The following JAK1 variants were observed in gnomAD, a reference collection of about 807,000 sequenced individuals.
JAK1 encodes tyrosine-protein kinase JAK1.
Under a neutral mutation model 136.6 loss-of-function variants are expected in JAK1, and 16 were observed. That is an observed-to-expected ratio of 0.12 (90% CI 0.08 to 0.18). The LOEUF (loss-of-function observed/expected upper bound fraction) is 0.18. Ranked by LOEUF, JAK1 falls within the 10% of genes least tolerant of loss-of-function variation. The pLI, the probability that JAK1 is intolerant of heterozygous loss-of-function variation, is 1.00. For synonymous variants in JAK1, 492 were observed against 519.5 expected (o/e 0.95, Z 0.72); for missense variants, 859 against 1,450.1 (o/e 0.59, Z 6.62).
At chr1:64,962,535 C>T (rs1646300112) in intron 1 of JAK1, among the ~76,000 whole-genome samples, 1 of 152,132 alleles carries the variant, frequency 6.6e-6, no homozygotes, top group Non-Finnish European at 1.5e-5. Flanking sequence ...TTTCCTGTCG[C>T]CTTAAACTGC....
chr1:65,024,964 C>T (rs1255597177), intron 2 of JAK1, among the ~76,000 whole-genome samples: 3 of 151,916 alleles, frequency 2.0e-5, no homozygotes, highest in Admixed American at 6.6e-5. Context: ...ACAACAAGAG[C>T]GAAACTCTGT....
intron 2 of JAK1, among the ~76,000 whole-genome samples, chr1:64,983,708 T>C (rs561908900): frequency 1.3e-5 from 2 of 152,186 alleles, no homozygotes; most frequent in Non-Finnish European, 2.9e-5. Flanking sequence ...TAACTTTCCC[T>C]GCCCTGGACT....
rs528279088 is a variant in JAK1 at position 64,859,049 on chromosome 1, T to C, written c.1334+1056A>G. On this transcript the variant is annotated intron_variant, in intron 9 of 24. Transcript: ENST00000342505. ...TTTTCAAATGCTCAACCCCTTGCTC[T>C]GCCATTCTTTGTGTGTCTGTTTCCC... 4.5e-4 allele frequency among the ~76,000 whole-genome samples: 68 copies of C among 152,340 alleles called. No individual in the cohort carries two copies. The South Asian group carries it at 0.014, about 31-fold the overall frequency.
intron 1 of JAK1, among the ~76,000 whole-genome samples, chr1:64,951,398 A>T (rs1283554651): frequency 2.0e-5 from 3 of 152,208 alleles, no homozygotes; most frequent in African/African-American, 7.2e-5. Context: ...AAAAGTATAA[A>T]GAACCATTGA....
At chr1:64,847,742 G>A (rs2101016115) in intron 12 of JAK1, 67 bp from the exon 13 acceptor site, 1 of 1,543,240 alleles carries the variant, frequency 6.5e-7, no homozygotes. Flanking sequence ...TCTGGGAATG[G>A]GTCCTCAATG....
chr1:64,877,297 G>C (rs1189355944), intron 4 of JAK1, among the ~76,000 whole-genome samples: 7 of 152,092 alleles, frequency 4.6e-5, no homozygotes, highest in Admixed American at 4.6e-4. Flanking sequence ...TTTGTAGTTT[G>C]TCATCAGGCA....
Position 64,915,174 on chromosome 1 carries a change from C to T in JAK1, c.-77-28833G>A, listed in dbSNP as rs189208355. On this transcript the variant is annotated intron_variant, in intron 1 of 24. Transcript: ENST00000342505. The stretch of plus-strand genomic sequence containing the variant: ...TGAACAGAAATACCCAATTTCACTC[C>T]CTTCTGAAACTCCACTAAAATATAG... Among the ~76,000 whole-genome samples the T allele has an allele frequency of 1.3e-4, 20 of 152,170 alleles. No homozygotes were observed. The East Asian group carries it at 3.9e-3, about 29-fold the overall frequency.
rs181015357 is a variant in JAK1, at chr1:64,840,296, G to A, written c.2650-501C>T. ...CTCGCTGCATACAGAAACTGGCCTC[G>A]GGGACGGTGGGGGGAACTAAGGATG... On this transcript the variant is annotated intron_variant, in intron 19 of 24. Transcript: ENST00000342505. 3.4e-4 allele frequency among the ~76,000 whole-genome samples: 52 copies of A among 152,280 alleles called. 1 individual carries two copies. The highest frequency in any genetic ancestry group is 9.9e-4 in the African/African-American group (41 of 41,554).
intron 1 of JAK1, among the ~76,000 whole-genome samples, chr1:64,894,952 T>A (rs1481508448): frequency 2.6e-5 from 4 of 152,114 alleles, no homozygotes; most frequent in African/African-American, 4.8e-5. Flanking sequence ...CAGCGAACCC[T>A]ATCCATATAA....
At chr1:64,860,826 CTGTGTGTGTGTGTG>C (rs72032330) in intron 8 of JAK1, among the ~76,000 whole-genome samples, 3 of 120,662 alleles carry the variant, frequency 2.5e-5, no homozygotes, top group African/African-American at 5.9e-5. Flanking sequence ...TCAGATGACT[CTGTGTGTGTGTGTG>C]TGTGTGTGTG....
At chr1:64,924,496 A>G (rs752761350) in intron 1 of JAK1, among the ~76,000 whole-genome samples, 1 of 152,146 alleles carries the variant, frequency 6.6e-6, no homozygotes, top group Non-Finnish European at 1.5e-5. Context: ...CCGGCATCAA[A>G]GAGACAAACA....
chr1:65,010,177 C>G (rs139081083), intron 2 of JAK1, among the ~76,000 whole-genome samples: 61 of 152,296 alleles, frequency 4.0e-4, no homozygotes, highest in African/African-American at 1.4e-3. Context: ...TGGGTATGGA[C>G]TGGATTTAGT....
chr1:65,024,598 T>G (rs2100799877), intron 2 of JAK1, among the ~76,000 whole-genome samples: 1 of 149,230 alleles, frequency 6.7e-6, no homozygotes, highest in Non-Finnish European at 1.5e-5. Context: ...TGGAACTTGT[T>G]GTATCACAGA....
In JAK1 at chr1:64,867,221, A is replaced by G. The variant is rs1656762092; in HGVS notation, c.648-13T>C. ...ATATCGCTTGTAGCTAAAAGACAGT[A>G]GAAAAGTACATCTCCTTTTCATGTA... On this transcript the variant is annotated splice_polypyrimidine_tract_variant and intron_variant, in intron 6 of 24. Transcript: ENST00000342505. 10 of 1,550,672 alleles carry G rather than the reference A, an allele frequency of 6.4e-6. No homozygotes were observed. The highest frequency in any genetic ancestry group is 8.8e-6 in the Non-Finnish European group (10 of 1,137,086).
chr1:64,883,612 C>G (rs1557662318), intron 2 of JAK1, 137 bp from the exon 3 acceptor site: 1 of 624,676 alleles, frequency 1.6e-6, no homozygotes, highest in Non-Finnish European at 2.8e-6. Context: ...CCTGCCCCTT[C>G]CCTTCCTGGA....
chr1:65,038,799 C>T (rs979069776), intron 2 of JAK1, among the ~76,000 whole-genome samples: 2 of 152,096 alleles, frequency 1.3e-5, no homozygotes, highest in African/African-American at 4.8e-5. Flanking sequence ...CCACCACACC[C>T]AGCTAATTTT....
At chr1:64,912,057 G>C (rs540120032) in intron 1 of JAK1, among the ~76,000 whole-genome samples, 4 of 152,126 alleles carry the variant, frequency 2.6e-5, no homozygotes, top group Non-Finnish European at 5.9e-5. Context: ...AGAATTATTA[G>C]GTAATAAATG....
At chr1:65,016,609 A>T (rs1296944717) in intron 2 of JAK1, among the ~76,000 whole-genome samples, 1 of 152,146 alleles carries the variant, frequency 6.6e-6, no homozygotes. Context: ...TCTCAAAATA[A>T]ATAAATAGGC....
chr1:65,050,929 T>C (rs1647267317), intron 1 of JAK1, among the ~76,000 whole-genome samples: 1 of 152,228 alleles, frequency 6.6e-6, no homozygotes, highest in Admixed American at 6.5e-5. Flanking sequence ...AGAACTCTTC[T>C]ACTCTTTGAG....
Sources: gnomAD v4.1 joint callset for allele counts (sites outside exome capture counted in the v4.1 genomes callset) on GRCh38, gnomAD v4.1.1 for gene constraint, MANE v1.5 for transcripts, NCBI Gene and HGNC (gene_info 2026-07-23, HGNC 2026-07-21) for gene names.